The following ARHGEF10L variants were observed in gnomAD, a reference collection of about 807,000 sequenced individuals.
The protein encoded by ARHGEF10L is rho guanine nucleotide exchange factor 10-like protein.
Under a neutral mutation model 141.2 loss-of-function variants are expected in ARHGEF10L, and 69 were observed. That is an observed-to-expected ratio of 0.49 (90% confidence interval 0.40 to 0.60). ARHGEF10L has a LOEUF of 0.60. Ranked by LOEUF, ARHGEF10L falls within the 20% of genes least tolerant of loss-of-function variation. The pLI, the probability that ARHGEF10L is intolerant of heterozygous loss-of-function variation, is 0.00. For synonymous variants in ARHGEF10L, 711 were observed against 718.5 expected (o/e 0.99, Z 0.17); for missense variants, 1,482 against 1,734.3 (o/e 0.85, Z 2.58).
At chr1:17,581,377 T>C (rs1436660089) in intron 2 of ARHGEF10L, among the ~76,000 whole-genome samples, 1 of 151,752 alleles carries the variant, frequency 6.6e-6, no homozygotes, top group Non-Finnish European at 1.5e-5. Context: ...ACAAAATTAT[T>C]CGTCGTTTAT....
the ARHGEF10L span, among the ~76,000 whole-genome samples, chr1:17,518,425 G>A: frequency 1.3e-5 from 2 of 152,190 alleles, no homozygotes; most frequent in Non-Finnish European, 2.9e-5. Flanking sequence ...TGTTCCTGAT[G>A]TCTAGATACT....
intron 27 of ARHGEF10L, among the ~76,000 whole-genome samples, chr1:17,691,425 G>T (rs1319306583): frequency 1.3e-5 from 2 of 152,082 alleles, no homozygotes; most frequent in South Asian, 2.1e-4. Context: ...TCCAGTGGGG[G>T]CTGGGAGGAT....
In ARHGEF10L at chr1:17,695,267, C is replaced by A; in HGVS notation, c.3294C>A (p.Ile1098=). The A allele has an allele frequency of 6.3e-7, 1 of 1,588,358 alleles. No homozygotes were observed. Among genetic ancestry groups the A allele is most frequent in the Non-Finnish European group, 8.6e-7 (1 of 1,167,990 alleles). ...TGCCCGTGCCTCGGCTGGAAGGCAT[C>A]CCCAAGATCACAGGTGAGGCTTTGG... ...VLLPVPRLEG[I]PKITGKGMVS... is the part of the protein sequence containing the mutation. Residue 1098 remains isoleucine (I), a synonymous_variant, in exon 28 of 29, where the codon ATC becomes ATA. Coordinates refer to ENST00000361221, the MANE Select transcript of ARHGEF10L (RefSeq NM_018125.4).
rs188235367 is a variant in ARHGEF10L at position 17,551,369 on chromosome 1, G to T, written c.-44+11419G>T. On this transcript the variant is annotated intron_variant, in intron 1 of 28. Transcript: ENST00000361221. ...GAGGGACTCCGAGGAGGCTTCCCAG[G>T]GGAGTGTCCAAGCCAAGCAGTGGAA... is the stretch of plus-strand genomic sequence containing the variant. 8.6e-3 allele frequency among the ~76,000 whole-genome samples: 1,309 copies of T among 152,140 alleles called. 1 individual carries two copies. The highest frequency in any genetic ancestry group is 0.055 in the Middle Eastern group (16 of 292).
chr1:17,621,796 C>T lies in ARHGEF10L; in HGVS notation c.943-68C>T. 1 of 1,135,270 alleles carries T rather than the reference C, an allele frequency of 8.8e-7. No homozygotes were observed. Among genetic ancestry groups the T allele is most frequent in the Non-Finnish European group, 1.3e-6 (1 of 798,030 alleles). The allele number at this position is 1,135,270 out of a possible 1,614,324, so 70.3% of individuals were successfully genotyped here. On this transcript the variant is annotated intron_variant, in intron 10 of 28. Transcript: ENST00000361221. The surrounding 1 kb of genome is among the most constrained non-coding windows in gnomAD (Gnocchi z 4.1). ...TCTCTGTCCTATAGTTGTCAGCTCCCCTTCCTGTCACTTGGGCCCTGTGCA... is the reference window on the plus strand; with the variant it reads ...TCTCTGTCCTATAGTTGTCAGCTCCTCTTCCTGTCACTTGGGCCCTGTGCA...
chr1:17,592,107 G>C (rs893176163), intron 4 of ARHGEF10L, among the ~76,000 whole-genome samples: 1 of 152,130 alleles, frequency 6.6e-6, no homozygotes, highest in Non-Finnish European at 1.5e-5. Flanking sequence ...GGGGAGTCGT[G>C]GTTGAAAGAG....
In ARHGEF10L at chr1:17,656,572, T is replaced by G. The variant is rs1440983864; in HGVS notation, c.2724T>G (p.Ser908Arg). The change falls in exon 25 of 29, where the codon AGT becomes AGG. Residue 908 changes from serine (S) to arginine (R), a missense_variant. Physicochemically the swap from Ser to Arg is moderately radical, Grantham distance 110 (BLOSUM62 -1). Around this residue, in one of 3 missense-constraint regions of ARHGEF10L, gnomAD observed 858 missense variants for 966.3 expected, o/e 0.89. Transcript: ENST00000361221. This position sits in a 1 kb window ranked among gnomAD's most constrained non-coding sequence, Gnocchi z 4.9. ...LQDGSILLYSSVDTGTQCLVS... is the reference protein window; with the variant it reads ...LQDGSILLYSRVDTGTQCLVS... The stretch of plus-strand genomic sequence containing the variant: ...CCCGCAGCATCCTCCTCTACAGCAG[T>G]GTGGACACTGGCACCCAGTGCCTGG... The G allele has an allele frequency of 6.2e-7, 1 of 1,612,996 alleles. No individual in the cohort carries two copies. The highest frequency in any genetic ancestry group is 8.5e-7 in the Non-Finnish European group (1 of 1,179,744).
rs777007265 is a variant in ARHGEF10L at position 17,621,686 on chromosome 1, A to G, written c.943-178A>G. On this transcript the variant is annotated intron_variant, in intron 10 of 28. Coordinates refer to ENST00000361221, the MANE Select transcript of ARHGEF10L (RefSeq NM_018125.4). This position sits in a 1 kb window ranked among gnomAD's most constrained non-coding sequence, Gnocchi z 4.1. ...CCATTCTGTAGCCAGGCAGCAGGGC[A>G]TTTATTTAGGGTTGGCAGGGGCTCT... is the stretch of plus-strand genomic sequence containing the variant. Among the ~76,000 whole-genome samples the G allele has an allele frequency of 3.3e-5, 5 of 152,078 alleles. No individual in the cohort carries two copies. Among genetic ancestry groups the G allele is most frequent in the Non-Finnish European group, 7.4e-5 (5 of 68,004 alleles).
At position 17,627,135 on chromosome 1, in the gene ARHGEF10L, T is replaced by C. The variant is rs2060431407; in HGVS notation, c.1411-195T>C. ...GTGGGTCTATTCCTAGAAAGATCCA[T>C]GCTTTTGTTTTCTTTTTCATGCATT... On this transcript the variant is annotated intron_variant, in intron 14 of 28. Transcript: ENST00000361221. This position sits in a 1 kb window ranked among gnomAD's most constrained non-coding sequence, Gnocchi z 4.0. Among the ~76,000 whole-genome samples, 1 of 152,244 alleles carries C rather than the reference T, an allele frequency of 6.6e-6. No homozygotes were observed. The highest frequency in any genetic ancestry group is 1.5e-5 in the Non-Finnish European group (1 of 68,042).
At chr1:17,664,409 C>A in intron 25 of ARHGEF10L, 38 bp from the exon 26 acceptor site, 1 of 1,590,028 alleles carries the variant, frequency 6.3e-7, no homozygotes, top group South Asian at 1.1e-5. Context: ...CTGCTTGCCG[C>A]TCCTGGCCCC....
Position 17,656,015 on chromosome 1 carries a change from A to C in ARHGEF10L, c.2618A>C (p.Glu873Ala). 6.4e-7 allele frequency: 1 copy of C among 1,573,052 alleles called. No individual in the cohort carries two copies. Among genetic ancestry groups the C allele is most frequent in the Non-Finnish European group, 8.6e-7 (1 of 1,158,418 alleles). The change falls in exon 24 of 29, where the codon GAG (glutamate) becomes GCG (alanine). Residue 873 changes from glutamate to alanine, a missense_variant. Coordinates refer to ENST00000361221, the MANE Select transcript of ARHGEF10L (RefSeq NM_018125.4). The surrounding 1 kb of genome is among the most constrained non-coding windows in gnomAD (Gnocchi z 4.9). ...GAGTATATCCCGGAGCTGGAGGAGGAGGCGGAGAGCAGAGACGAGAGCCCG... is the reference window on the plus strand; with the variant it reads ...GAGTATATCCCGGAGCTGGAGGAGGCGGCGGAGAGCAGAGACGAGAGCCCG... ...CMEYIPELEEEAESRDESPTV... is the reference protein window; with the variant it reads ...CMEYIPELEEAAESRDESPTV...
intron 1 of ARHGEF10L, among the ~76,000 whole-genome samples, chr1:17,546,819 T>C (rs543379322): frequency 6.6e-6 from 1 of 152,162 alleles, no homozygotes; most frequent in Non-Finnish European, 1.5e-5. Flanking sequence ...AGGCCTGGTG[T>C]CAGGAAAGAG....
At chr1:17,565,914 GCAGATA>G (rs929886542) in intron 1 of ARHGEF10L, among the ~76,000 whole-genome samples, 62 of 152,132 alleles carry the variant, frequency 4.1e-4, no homozygotes, top group African/African-American at 1.5e-3. Context: ...GCCAGGTGGT[GCAGATA>G]CAGACACAAG....
In ARHGEF10L at chr1:17,673,958, C is replaced by T. The variant is rs6701000; in HGVS notation, c.3009+9363C>T. ...TTGGTGGAGCCAGGATCTCAGGGTG[C>T]CTCTGATTCTGAAGCCCCCACCTGG... On this transcript the variant is annotated intron_variant, in intron 26 of 28. Coordinates refer to ENST00000361221, the MANE Select transcript of ARHGEF10L (RefSeq NM_018125.4). This position sits in a 1 kb window ranked among gnomAD's most constrained non-coding sequence, Gnocchi z 4.1. 0.026 allele frequency among the ~76,000 whole-genome samples: 3,918 copies of T among 152,218 alleles called. 176 individuals carry two copies. The highest frequency in any genetic ancestry group is 0.09 in the African/African-American group (3,738 of 41,482).
intron 2 of ARHGEF10L, among the ~76,000 whole-genome samples, chr1:17,582,869 C>T (rs2078698332): frequency 6.6e-6 from 1 of 152,150 alleles, no homozygotes; most frequent in East Asian, 1.9e-4. Context: ...CCCTCCCTGC[C>T]CACTGGATGC....
chr1:17,590,973 C>T (rs997775885), intron 4 of ARHGEF10L, among the ~76,000 whole-genome samples: 8 of 152,122 alleles, frequency 5.3e-5, no homozygotes, highest in Non-Finnish European at 8.8e-5. Flanking sequence ...TGTGACAAAG[C>T]GATACTCTGT....
At chr1:17,643,449 G>T (rs1293767823) in intron 21 of ARHGEF10L, among the ~76,000 whole-genome samples, 1 of 152,192 alleles carries the variant, frequency 6.6e-6, no homozygotes, top group Non-Finnish European at 1.5e-5. Flanking sequence ...TCCTGGGAAA[G>T]GCAGACTCCA....
chr1:17,567,577 A>G (rs2077813720), intron 1 of ARHGEF10L, among the ~76,000 whole-genome samples: 1 of 152,170 alleles, frequency 6.6e-6, no homozygotes, highest in Non-Finnish European at 1.5e-5. Flanking sequence ...CATGTTGGTC[A>G]GACTGGTCTC....
chr1:17,679,700 G>A (rs574051692), intron 26 of ARHGEF10L, among the ~76,000 whole-genome samples: 14 of 152,324 alleles, frequency 9.2e-5, no homozygotes, highest in South Asian at 2.1e-4. Flanking sequence ...CAGTGCAGCC[G>A]TGCAGAGCGG....
Sources: gnomAD v4.1 joint callset for allele counts (sites outside exome capture counted in the v4.1 genomes callset) on GRCh38, gnomAD v4.1.1 for gene constraint, gnomAD v4.1.1 regional missense constraint, Gnocchi (gnomAD v3.1) non-coding constraint, MANE v1.5 for transcripts, NCBI Gene and HGNC (gene_info 2026-07-23, HGNC 2026-07-21) for gene names.